Variants in MPP7 observed in about 807,000 individuals in gnomAD.
MPP7 encodes MAGUK p55 scaffold protein 7.
In MPP7, 60 loss-of-function variants were observed where a neutral mutation model predicts 76.5. The ratio of observed to expected loss-of-function variants is 0.78; its 90% CI spans 0.64 to 0.97. MPP7 has a LOEUF of 0.97. MPP7 is among the 50% of genes least tolerant of loss of function. The probability of loss-of-function intolerance (pLI) is 0.00; values close to 1 mark genes in which losing one functional copy is unlikely to be tolerated. For synonymous variants in MPP7, 237 were observed against 244.5 expected (o/e 0.97, Z 0.29); for missense variants, 641 against 694.0 (o/e 0.92, Z 0.86).
rs185190770 is a variant in MPP7, at chr10:28,319,506, G to A, written c.-132+10423C>T. ...AGCCTGAGCAACATGGCAAAACCCC[G>A]TCTCTACAAAAAAATACAAAAATTA... On this transcript the variant is annotated intron_variant, in intron 2 of 11. Coordinates refer to the MPP7 transcript ENST00000441595. Among the ~76,000 whole-genome samples the A allele has an allele frequency of 8.6e-5, 13 of 150,582 alleles. No homozygotes were observed. In the East Asian group the frequency reaches 1.0e-3, roughly 12 times the overall value.
At chr10:28,299,265 C>T (rs985197920) in intron 1 of MPP7, among the ~76,000 whole-genome samples, 3 of 152,144 alleles carry the variant, frequency 2.0e-5, no homozygotes, top group Admixed American at 6.5e-5. Context: ...AGACACGCGA[C>T]TCTCCATTCA....
At chr10:28,057,713 C>A in intron 15 of MPP7, 1 of 1,280,562 alleles carries the variant, frequency 7.8e-7, no homozygotes, top group Admixed American at 2.4e-5. Flanking sequence ...CAGGAGGCAG[C>A]CTTCCTGATT....
intron 3 of MPP7, among the ~76,000 whole-genome samples, chr10:28,173,404 T>C (rs1318336029): frequency 6.6e-6 from 1 of 152,142 alleles, no homozygotes; most frequent in South Asian, 2.1e-4. Flanking sequence ...AGAATTGTCA[T>C]GGAAGAAATA....
At chr10:28,193,458 G>A (rs558717049) in intron 3 of MPP7, among the ~76,000 whole-genome samples, 2 of 152,054 alleles carry the variant, frequency 1.3e-5, no homozygotes, top group South Asian at 2.1e-4. Flanking sequence ...TGATCCGCCC[G>A]CCTCGGCCTC....
chr10:28,151,992 A>G (rs1174541480), intron 3 of MPP7, among the ~76,000 whole-genome samples: 3 of 152,024 alleles, frequency 2.0e-5, no homozygotes, highest in Admixed American at 2.0e-4. Flanking sequence ...TCCATCCCTT[A>G]TATTTTCTTT....
chr10:28,101,763 G>A (rs1171129876), intron 11 of MPP7, among the ~76,000 whole-genome samples: 1 of 151,880 alleles, frequency 6.6e-6, no homozygotes, highest in Non-Finnish European at 1.5e-5. Context: ...TCTGACCAAT[G>A]TTACAAAAGA....
chr10:28,196,724 T>G (rs1398688017), intron 3 of MPP7, among the ~76,000 whole-genome samples: 1 of 152,078 alleles, frequency 6.6e-6, no homozygotes, highest in Non-Finnish European at 1.5e-5. Flanking sequence ...AGTTTCATAT[T>G]TCAATGAAGA....
chr10:28,203,315 T>A (rs893126796), intron 2 of MPP7: 1 of 152,152 alleles, frequency 6.6e-6, no homozygotes, highest in Admixed American at 6.5e-5. Flanking sequence ...TAGTAAATTA[T>A]GGGCTGATGA....
intron 1 of MPP7, among the ~76,000 whole-genome samples, chr10:28,255,215 G>A (rs1339843449): frequency 6.6e-6 from 1 of 152,146 alleles, no homozygotes; most frequent in Non-Finnish European, 1.5e-5. Context: ...CCAGGTTCAA[G>A]TGATTCTCCT....
intron 1 of MPP7, among the ~76,000 whole-genome samples, chr10:28,270,555 T>TGGGGGGGGGG (rs1840296119): frequency 1.3e-4 from 1 of 7,560 alleles, no homozygotes; most frequent in African/African-American, 5.3e-4. Flanking sequence ...GGAGGGGAGC[T>TGGGGGGGGGG]GGGGAGGGGG....
At chr10:28,210,957 C>T (rs61845902) in intron 2 of MPP7, among the ~76,000 whole-genome samples, 7,213 of 152,242 alleles carry the variant, frequency 0.047, 243 homozygotes, top group Middle Eastern at 0.075. Flanking sequence ...ACGATAAGTA[C>T]ATGTGCCACT....
intron 3 of MPP7, among the ~76,000 whole-genome samples, chr10:28,174,903 G>A (rs1055790392): frequency 2.0e-5 from 3 of 152,116 alleles, no homozygotes; most frequent in African/African-American, 7.2e-5. Flanking sequence ...TAACAAAAAT[G>A]AATTAATCTA....
At chr10:28,083,532 CTTTTTTTTTT>C (rs5784040) in intron 12 of MPP7, among the ~76,000 whole-genome samples, 3 of 81,730 alleles carry the variant, frequency 3.7e-5, no homozygotes, top group African/African-American at 8.7e-5. Context: ...TTTTCTTCCT[CTTTTTTTTTT>C]TTTTTTTTTT....
At chr10:28,329,651 A>C (rs934787176) in intron 2 of MPP7, among the ~76,000 whole-genome samples, 5 of 144,512 alleles carry the variant, frequency 3.5e-5, no homozygotes, top group Admixed American at 6.8e-5. Context: ...AAAAAAAAAA[A>C]ACCACTACTT....
intron 3 of MPP7, among the ~76,000 whole-genome samples, chr10:28,167,814 T>C (rs1036779643): frequency 2.0e-5 from 3 of 152,162 alleles, no homozygotes; most frequent in African/African-American, 7.2e-5. Context: ...CAGAATAACA[T>C]AAAAGTTGTT....
chr10:28,189,593 A>C (rs1346016956), intron 3 of MPP7, among the ~76,000 whole-genome samples: 1 of 150,728 alleles, frequency 6.6e-6, no homozygotes, highest in Non-Finnish European at 1.5e-5. Flanking sequence ...AAAAAAAAAA[A>C]AAAAAACCTG....
intron 2 of MPP7, among the ~76,000 whole-genome samples, chr10:28,329,123 A>G (rs763366115): frequency 1.9e-4 from 29 of 152,324 alleles, no homozygotes; most frequent in Non-Finnish European, 2.8e-4. Context: ...ATTGATTGGA[A>G]TATCTTTTGA....
At chr10:28,251,589 A>G (rs1839615731) in intron 1 of MPP7, among the ~76,000 whole-genome samples, 1 of 152,256 alleles carries the variant, frequency 6.6e-6, no homozygotes, top group South Asian at 2.1e-4. Flanking sequence ...GAGCCAATCA[A>G]TCTACTGTAA....
chr10:28,230,095 A>G (rs1281001306), intron 2 of MPP7, among the ~76,000 whole-genome samples: 3 of 152,192 alleles, frequency 2.0e-5, no homozygotes, highest in Non-Finnish European at 4.4e-5. Context: ...AAAGGATTCA[A>G]GTAGTAATTT....
Sources: gnomAD v4.1 joint callset for allele counts (sites outside exome capture counted in the v4.1 genomes callset) on GRCh38, gnomAD v4.1.1 for gene constraint, MANE v1.5 for transcripts, NCBI Gene and HGNC (gene_info 2026-07-23, HGNC 2026-07-21) for gene names.